NLRP11: variants seen among roughly 807,000 people sequenced by gnomAD.
The protein encoded by NLRP11 is NACHT, LRR and PYD domains-containing protein 11.
In NLRP11, 53 loss-of-function variants were observed where a neutral mutation model predicts 79.3. That is an observed-to-expected ratio of 0.67 (90% CI 0.54 to 0.84). The LOEUF is 0.84. NLRP11 is among the 40% of genes least tolerant of loss of function. The pLI is 0.00. For missense variants in NLRP11, 1,264 were observed against 1,255.0 expected, an observed-to-expected ratio of 1.01 and a Z score of -0.11; for synonymous variants, 518 against 462.6, an observed-to-expected ratio of 1.12 and a Z score of -1.54.
chr19:55,794,709 G>A (rs1978642540), intron 6 of NLRP11, among the ~76,000 whole-genome samples: 3 of 151,944 alleles, frequency 2.0e-5, no homozygotes, highest in South Asian at 2.1e-4. Context: ...GCAGTGAGCC[G>A]AGATCGCGCC....
At chr19:55,803,820 G>A (rs1979719054) in intron 4 of NLRP11, among the ~76,000 whole-genome samples, 1 of 152,196 alleles carries the variant, frequency 6.6e-6, no homozygotes, top group Admixed American at 6.5e-5. Flanking sequence ...GGAGGCTCAT[G>A]CCTGTAATCC....
intron 1 of NLRP11, among the ~76,000 whole-genome samples, chr19:55,831,664 T>G (rs915621995): frequency 6.6e-6 from 1 of 152,122 alleles, no homozygotes; most frequent in African/African-American, 2.4e-5. Flanking sequence ...TAGTTAGGTT[T>G]AAACACTCCA....
At chr19:55,822,631 C>T (rs1021429112) in intron 1 of NLRP11, among the ~76,000 whole-genome samples, 3 of 152,092 alleles carry the variant, frequency 2.0e-5, no homozygotes, top group Non-Finnish European at 4.4e-5. Context: ...GTTCCCTTTC[C>T]GAGTCAAAGA....
intron 1 of NLRP11, among the ~76,000 whole-genome samples, chr19:55,830,598 T>TTAAAAA (rs752782865): frequency 6.2e-5 from 8 of 129,228 alleles, no homozygotes; most frequent in Admixed American, 8.1e-5. Flanking sequence ...CTTAGCTTCC[T>TTAAAAA]AAAAAAAAAA....
exon 9 of NLRP11, chr19:55,788,944 A>G (rs1206030784): frequency 9.3e-6 from 15 of 1,613,946 alleles, no homozygotes; most frequent in Non-Finnish European, 1.3e-5. Flanking sequence ...CAAGAGATCG[A>G]CAGCAGGCAC....
At chr19:55,790,511 A>G (rs189094929) in intron 7 of NLRP11, among the ~76,000 whole-genome samples, 7 of 152,360 alleles carry the variant, frequency 4.6e-5, no homozygotes, top group Admixed American at 2.0e-4. Flanking sequence ...CCCAGTGCCA[A>G]TACAAGATCC....
rs549844020 is a variant in NLRP11, at chr19:55,790,286, T to C, written c.2514-887A>G. 8.7e-4 allele frequency among the ~76,000 whole-genome samples: 133 copies of C among 152,310 alleles called. 1 individual carries two copies. The highest frequency in any genetic ancestry group is 3.1e-3 in the African/African-American group (130 of 41,570). On this transcript the variant is annotated intron_variant, in intron 7 of 9. Coordinates refer to ENST00000589093, the Ensembl canonical transcript of NLRP11. ...TTCTCTATAAGGGGCCAGATAATAG[T>C]TTAGGCTTCACCGGCCATGGTGCCT...
Position 55,809,635 on chromosome 19 carries a change from A to C in NLRP11, c.975T>G (p.Leu325=). ...CCACGAGTATTTCATCCTCATGTAC[A>C]AGCTGGAGGGCTGCCGACGCCCTCT... The change falls in exon 3 of 10, where the codon CTT becomes CTG. Residue 325 remains leucine (L), a synonymous_variant. Transcript: ENST00000589093. This position sits in a 1 kb window ranked among gnomAD's most constrained non-coding sequence, Gnocchi z 4.5. 6.2e-7 allele frequency: 1 copy of C among 1,614,204 alleles called. No individual in the cohort carries two copies. The highest frequency in any genetic ancestry group is 8.5e-7 in the Non-Finnish European group (1 of 1,180,028).
intron 1 of NLRP11, among the ~76,000 whole-genome samples, chr19:55,830,955 T>C (rs183027417): frequency 3.9e-5 from 6 of 152,152 alleles, no homozygotes; most frequent in African/African-American, 1.2e-4. Flanking sequence ...AAAACCCCAG[T>C]GTCCCGAAAT....
intron 6 of NLRP11, among the ~76,000 whole-genome samples, chr19:55,794,454 G>A (rs565366840): frequency 6.6e-6 from 1 of 152,120 alleles, no homozygotes; most frequent in Non-Finnish European, 1.5e-5. Context: ...ATGGATCTTA[G>A]AACAATTTGA....
At chr19:55,787,565 G>C (rs369339941) in intron 9 of NLRP11, among the ~76,000 whole-genome samples, 1 of 152,100 alleles carries the variant, frequency 6.6e-6, no homozygotes, top group African/African-American at 2.4e-5. Flanking sequence ...TCAAACTTCC[G>C]ACCTCAAGTG....
intron 2 of NLRP11, among the ~76,000 whole-genome samples, chr19:55,813,493 G>A (rs4801630): frequency 0.2 from 29,781 of 152,060 alleles, 3,587 homozygotes; most frequent in East Asian, 0.37. Flanking sequence ...TCCACTGGGA[G>A]CAGTCTATGT....
At chr19:55,821,260 TG>T (rs1265618358) in intron 1 of NLRP11, among the ~76,000 whole-genome samples, 30 of 144,720 alleles carry the variant, frequency 2.1e-4, no homozygotes, top group African/African-American at 7.3e-4. Flanking sequence ...CCCCAAGCAC[TG>T]AGTTTGTAAT....
rs565574599 is a variant in NLRP11 at position 55,786,462 on chromosome 19, A to C, written c.2856-591T>G. ...CTTGCACCTGGGAGGTCAAGGCTGC[A>C]GTGAGCCATGATCACACCACTGCTC... On this transcript the variant is annotated intron_variant, in intron 9 of 9. Coordinates refer to ENST00000589093, the Ensembl canonical transcript of NLRP11. 2.0e-5 allele frequency among the ~76,000 whole-genome samples: 3 copies of C among 152,250 alleles called. No individual in the cohort carries two copies. In the South Asian group the frequency reaches 6.2e-4, roughly 32 times the overall value.
At chr19:55,786,576 A>G (rs189525844) in intron 9 of NLRP11, among the ~76,000 whole-genome samples, 82 of 152,332 alleles carry the variant, frequency 5.4e-4, no homozygotes, top group Admixed American at 1.7e-3. Context: ...ACCGCAGCCC[A>G]TGCTCATGTT....
intron 1 of NLRP11, among the ~76,000 whole-genome samples, chr19:55,820,528 A>C (rs1454222946): frequency 1.3e-5 from 2 of 152,140 alleles, no homozygotes; most frequent in African/African-American, 2.4e-5. Context: ...AAGGGGAAGC[A>C]ATCGCACCCT....
intron 5 of NLRP11, among the ~76,000 whole-genome samples, chr19:55,800,098 C>G (rs1000035203): frequency 2.6e-5 from 4 of 152,142 alleles, no homozygotes; most frequent in African/African-American, 9.7e-5. Context: ...GACAAAGCAG[C>G]TTGAGAATAC....
At chr19:55,792,045 G>A in intron 7 of NLRP11, among the ~76,000 whole-genome samples, 1 of 152,178 alleles carries the variant, frequency 6.6e-6, no homozygotes, top group East Asian at 1.9e-4. Context: ...GGGGCAGGGG[G>A]AGGGGTCCGG....
chr19:55,802,616 C>T (rs1358482563), intron 4 of NLRP11, among the ~76,000 whole-genome samples: 2 of 152,146 alleles, frequency 1.3e-5, no homozygotes, highest in South Asian at 2.1e-4. Context: ...CAATGCTATT[C>T]CTATGAAATT....
Sources: allele counts gnomAD v4.1 joint callset (sites outside exome capture counted in the v4.1 genomes callset), GRCh38; gene constraint gnomAD v4.1.1; non-coding constraint Gnocchi (gnomAD v3.1); transcripts MANE v1.5; gene names NCBI Gene and HGNC (gene_info 2026-07-23, HGNC 2026-07-21).